CENPO: variants seen among roughly 807,000 people sequenced by gnomAD.
CENPO encodes centromeric protein O.
Under a neutral mutation model 36.1 loss-of-function variants are expected in CENPO, and 30 were observed. That is an observed-to-expected ratio of 0.83 (90% CI 0.62 to 1.13). The LOEUF (loss-of-function observed/expected upper bound fraction) is 1.13, where lower values mean the gene tolerates loss of function less well. Ranked by LOEUF, CENPO falls within the 50% of genes most tolerant of loss-of-function variation. The pLI, the probability that CENPO is intolerant of heterozygous loss-of-function variation, is 0.00. For synonymous variants in CENPO, 171 were observed against 142.3 expected (o/e 1.20, Z -1.44); for missense variants, 349 against 357.8 (o/e 0.98, Z 0.20).
At chr2:24,804,808 G>C (rs566022853) in intron 3 of CENPO, among the ~76,000 whole-genome samples, 3 of 152,106 alleles carry the variant, frequency 2.0e-5, no homozygotes, top group East Asian at 1.9e-4. Flanking sequence ...TGTGTCTTGG[G>C]GTTGCTCTTC....
At chr2:24,796,555 G>C (rs1328045942) in intron 2 of CENPO, among the ~76,000 whole-genome samples, 2 of 152,158 alleles carry the variant, frequency 1.3e-5, no homozygotes, top group Admixed American at 1.3e-4. Context: ...GCTCACGCCT[G>C]TAATCCTAGC....
At chr2:24,818,107 G>A (rs1391354000) in intron 7 of CENPO, among the ~76,000 whole-genome samples, 1 of 152,054 alleles carries the variant, frequency 6.6e-6, no homozygotes, top group Non-Finnish European at 1.5e-5. Context: ...TGAAAAAGGT[G>A]TATCACTCAA....
At chr2:24,798,260 T>TG (rs1265639359) in intron 2 of CENPO, among the ~76,000 whole-genome samples, 9 of 118,170 alleles carry the variant, frequency 7.6e-5, no homozygotes, top group Admixed American at 7.6e-4. Context: ...AAATTGTGTG[T>TG]GTGTGTATGT....
In CENPO at chr2:24,821,030, G is replaced by A. The variant is rs980227606; in HGVS notation, c.*1712G>A. 31 of 858,694 alleles carry A rather than the reference G, an allele frequency of 3.6e-5. No individual in the cohort carries two copies. The highest frequency in any genetic ancestry group is 4.4e-5 in the Non-Finnish European group (26 of 585,296). 53.2% of individuals were successfully genotyped at this position (858,694 alleles called of 1,614,324 possible). On this transcript the variant is annotated 3_prime_UTR_variant, in exon 8 of 8. Transcript: ENST00000380834. ...ACATCTCCTGTTTATCCGTGTGCTT[G>A]TTAGGTGTCAGCCGCCACCCCCCCC...
intron 2 of CENPO, 133 bp from the exon 3 acceptor site, chr2:24,799,542 T>C (rs1376182023): frequency 8.7e-6 from 6 of 688,582 alleles, no homozygotes; most frequent in African/African-American, 5.4e-5. Flanking sequence ...TTGACAGATA[T>C]CTAACAATTC....
chr2:24,817,953 G>C (rs1667037788), intron 7 of CENPO, 112 bp downstream of exon 7: 2 of 824,046 alleles, frequency 2.4e-6, no homozygotes, highest in African/African-American at 1.7e-5. Flanking sequence ...TGGAAGAGCA[G>C]GTTTGAGTAT....
Position 24,820,374 on chromosome 2 carries a change from G to C in CENPO, c.*1056G>C. 1 of 1,321,426 alleles carries C rather than the reference G, an allele frequency of 7.6e-7. No individual in the cohort carries two copies. The highest frequency in any genetic ancestry group is 9.6e-7 in the Non-Finnish European group (1 of 1,039,870). The allele number at this position is 1,321,426 out of a possible 1,614,324, so 81.9% of individuals were successfully genotyped here. A position where few individuals can be genotyped will look rare whatever the true frequency, so the allele number is the denominator to read the frequency against. On this transcript the variant is annotated 3_prime_UTR_variant, in exon 8 of 8. Transcript: ENST00000380834. ...GATGGCCATGGTCACCTGGGTGGCA[G>C]CACTGTTACCTGGAAACTGCCACTG...
Position 24,799,824 on chromosome 2 carries a change from G to A in CENPO, c.196G>A (p.Val66Met), listed in dbSNP as rs1037939535. The change falls in exon 3 of 8, where the codon GTG (valine) becomes ATG (methionine). Residue 66 changes from valine to methionine, a missense_variant. Val to Met is a conservative substitution (Grantham distance 21, BLOSUM62 1). Transcript: ENST00000380834. ...TCTGCGAGATGAGCTGAGGGCTGTG[G>A]TGCGGCACCGGCGAGCCAGCGTGAG... ...RRLRDELRAV[V>M]RHRRASVKAC... is the part of the protein sequence containing the mutation. 5.0e-6 allele frequency: 8 copies of A among 1,613,234 alleles called. No individual in the cohort carries two copies. Among genetic ancestry groups the A allele is most frequent in the African/African-American group, 1.3e-5 (1 of 74,908 alleles).
intron 4 of CENPO, chr2:24,814,733 T>C (rs1344615316): frequency 6.0e-6 from 3 of 499,132 alleles, no homozygotes; most frequent in Non-Finnish European, 7.2e-6. Context: ...GGTGGCTGGC[T>C]TATTCCACTC....
At chr2:24,793,644 G>T in intron 1 of CENPO, 143 bp downstream of exon 1, 2 of 1,321,762 alleles carry the variant, frequency 1.5e-6, no homozygotes, top group Non-Finnish European at 2.0e-6. Context: ...TCGGGAGCGC[G>T]CCGGGGCCGC....
Position 24,820,263 on chromosome 2 carries a change from T to G in CENPO, c.*945T>G. On this transcript the variant is annotated 3_prime_UTR_variant, in exon 8 of 8. Transcript: ENST00000380834. Reference sequence around the variant, plus strand: ...CCCAAACCTCCCAGGGCCAAGCCCTTCCACCCGTGGCGAGCAGCGGGTGGG... The same window carrying G: ...CCCAAACCTCCCAGGGCCAAGCCCTGCCACCCGTGGCGAGCAGCGGGTGGG... 8.3e-7 allele frequency: 1 copy of G among 1,201,852 alleles called. No homozygotes were observed. The highest frequency in any genetic ancestry group is 1.1e-6 in the Non-Finnish European group (1 of 917,678). The allele number at this position is 1,201,852 out of a possible 1,614,324, so 74.4% of individuals were successfully genotyped here. A position where few individuals can be genotyped will look rare whatever the true frequency, so the allele number is the denominator to read the frequency against.
chr2:24,799,002 T>TTG (rs1558369315), intron 2 of CENPO, among the ~76,000 whole-genome samples: 1 of 111,896 alleles, frequency 8.9e-6, no homozygotes, highest in Non-Finnish European at 1.9e-5. Context: ...TTTTTTTTTT[T>TTG]GGAGACAGTC....
chr2:24,793,590 C>T, intron 1 of CENPO, 89 bp downstream of exon 1: 7 of 1,460,510 alleles, frequency 4.8e-6, no homozygotes, highest in Admixed American at 2.8e-5. Context: ...TCTTAAAACT[C>T]CTTCCGTGGC....
intron 3 of CENPO, among the ~76,000 whole-genome samples, chr2:24,812,983 C>G (rs904475599): frequency 6.7e-6 from 1 of 150,332 alleles, no homozygotes; most frequent in African/African-American, 2.5e-5. Context: ...CTGTGGCTCA[C>G]GCCTGTAATC....
Position 24,817,740 on chromosome 2 carries a change from C to T in CENPO, c.837C>T (p.Pro279=), listed in dbSNP as rs1409011617. ...ASHETLFCTK[P]LHQVFASFTR... is the part of the protein sequence containing the mutation. ...ATGAAACTCTGTTCTGTACGAAGCC[C>T]TTGCATCAAGTGTTTGCCTCATTTA... The change falls in exon 7 of 8, where the codon CCC becomes CCT. Residue 279 remains proline, a synonymous_variant. Coordinates refer to ENST00000380834, the MANE Select transcript of CENPO (RefSeq NM_001322101.2). The T allele has an allele frequency of 1.2e-6, 2 of 1,614,180 alleles. No homozygotes were observed. The highest frequency in any genetic ancestry group is 1.7e-5 in the Admixed American group (1 of 60,028).
chr2:24,799,643 T>C, intron 2 of CENPO, 32 bp from the exon 3 acceptor site: 1 of 1,554,382 alleles, frequency 6.4e-7, no homozygotes, highest in Non-Finnish European at 8.8e-7. Context: ...AATCCTCAGC[T>C]TCTTGTAAAA....
intron 2 of CENPO, among the ~76,000 whole-genome samples, chr2:24,798,975 C>CTTTTTTTTT (rs70947846): frequency 4.4e-5 from 5 of 114,528 alleles, no homozygotes; most frequent in African/African-American, 2.0e-4. Flanking sequence ...CTGGGGCTTC[C>CTTTTTTTTT]TTTTTTTTTT....
chr2:24,821,354 G>T lies in CENPO; in HGVS notation c.*2036G>T. The T allele has an allele frequency of 9.7e-7, 1 of 1,034,718 alleles. No individual in the cohort carries two copies. The highest frequency in any genetic ancestry group is 1.4e-6 in the Non-Finnish European group (1 of 716,070). The allele number at this position is 1,034,718 out of a possible 1,614,324, so 64.1% of individuals were successfully genotyped here. On this transcript the variant is annotated 3_prime_UTR_variant, in exon 8 of 8. Coordinates refer to ENST00000380834, the MANE Select transcript of CENPO (RefSeq NM_001322101.2). ...GTTTTTGGTTTAGTCATCTAGAGTC[G>T]TCTGGACTAAAGGTCTTTCAGGTCT...
intron 3 of CENPO, among the ~76,000 whole-genome samples, chr2:24,812,528 T>C (rs778431747): frequency 1.3e-5 from 2 of 152,166 alleles, no homozygotes; most frequent in Non-Finnish European, 2.9e-5. Context: ...GGGGCTCCCA[T>C]GTATGGGTGT....
Sources: allele counts gnomAD v4.1 joint callset (sites outside exome capture counted in the v4.1 genomes callset), GRCh38; gene constraint gnomAD v4.1.1; transcripts MANE v1.5; gene names NCBI Gene and HGNC (gene_info 2026-07-23, HGNC 2026-07-21).